TEAD1: variants seen among roughly 807,000 people sequenced by gnomAD.
The protein encoded by TEAD1 is TEA domain transcription factor 1.
A neutral mutation model predicts 54.9 loss-of-function variants in TEAD1; 9 were observed. That is an observed-to-expected ratio of 0.16 (90% CI 0.10 to 0.29). TEAD1 has a LOEUF of 0.29. TEAD1 is among the 10% of genes least tolerant of loss of function. TEAD1 has a pLI of 1.00. For missense variants in TEAD1, 387 were observed against 535.9 expected, an observed-to-expected ratio of 0.72 and a Z score of 2.74; for synonymous variants, 200 against 187.8, an observed-to-expected ratio of 1.07 and a Z score of -0.53.
At chr11:12,740,171 C>T (rs1049402767) in intron 2 of TEAD1, among the ~76,000 whole-genome samples, 3 of 152,174 alleles carry the variant, frequency 2.0e-5, no homozygotes, top group Non-Finnish European at 1.5e-5. Flanking sequence ...CTGGCTCTTC[C>T]ACTTCTCTGA....
At chr11:12,708,898 A>G (rs950337578) in intron 2 of TEAD1, among the ~76,000 whole-genome samples, 1 of 152,244 alleles carries the variant, frequency 6.6e-6, no homozygotes, top group African/African-American at 2.4e-5. Flanking sequence ...AGTGCATATT[A>G]TGTAAAGGTT....
intron 3 of TEAD1, among the ~76,000 whole-genome samples, chr11:12,766,651 A>G (rs1314298403): frequency 6.6e-6 from 1 of 152,164 alleles, no homozygotes; most frequent in Non-Finnish European, 1.5e-5. Context: ...TTGGGTACCC[A>G]GTGTAACTTA....
intron 2 of TEAD1, among the ~76,000 whole-genome samples, chr11:12,694,397 G>T (rs949610476): frequency 4.6e-5 from 7 of 151,606 alleles, no homozygotes; most frequent in African/African-American, 1.7e-4. Context: ...CTTATATACA[G>T]GGTCCTCTTT....
chr11:12,737,005 A>T (rs1051517425), intron 2 of TEAD1, among the ~76,000 whole-genome samples: 1 of 152,166 alleles, frequency 6.6e-6, no homozygotes, highest in African/African-American at 2.4e-5. Flanking sequence ...TTGAAGAAAA[A>T]TTTAATTCTT....
rs1173617315 is a variant in TEAD1 at position 12,690,241 on chromosome 11, CAAAAAAA to C, written c.-55+14696_-55+14702del. ...TGGGCGACAGAGTGAGACTCCGTCT[CAAAAAAA>C]AAAAAAAAAAAAAAATAATAAGCCC... On this transcript the variant is annotated intron_variant, in intron 2 of 12. Coordinates refer to ENST00000527636, the MANE Select transcript of TEAD1 (RefSeq NM_021961.6). 5.4e-3 allele frequency among the ~76,000 whole-genome samples: 444 copies of C among 81,698 alleles called. 1 individual carries two copies. The highest frequency in any genetic ancestry group is 0.017 in the African/African-American group (406 of 23,616). 53.6% of individuals were successfully genotyped at this position (81,698 alleles called of 152,430 possible).
intron 9 of TEAD1, among the ~76,000 whole-genome samples, chr11:12,898,175 C>T (rs1948349874): frequency 6.6e-6 from 1 of 152,156 alleles, no homozygotes; most frequent in Non-Finnish European, 1.5e-5. Context: ...GGCCCACACT[C>T]TGAGCAGCTG....
chr11:12,912,195 C>T (rs538914243), intron 10 of TEAD1, among the ~76,000 whole-genome samples: 7 of 152,158 alleles, frequency 4.6e-5, no homozygotes, highest in Admixed American at 3.3e-4. Flanking sequence ...TTGCCAATGT[C>T]GTCTTTGCTT....
chr11:12,915,536 C>T (rs767036955), intron 10 of TEAD1, among the ~76,000 whole-genome samples: 1 of 152,222 alleles, frequency 6.6e-6, no homozygotes, highest in Non-Finnish European at 1.5e-5. Context: ...AAGGCAAAAA[C>T]ATGAAATTTA....
chr11:12,733,839 A>G lies in TEAD1; in HGVS notation c.-54-30340A>G, dbSNP rs149521924. 4.2e-3 allele frequency among the ~76,000 whole-genome samples: 634 copies of G among 152,332 alleles called. 1 individual carries two copies. The highest frequency in any genetic ancestry group is 7.4e-3 in the Admixed American group (113 of 15,306). On this transcript the variant is annotated intron_variant, in intron 2 of 12. Coordinates refer to ENST00000527636, the MANE Select transcript of TEAD1 (RefSeq NM_021961.6). Reference sequence around the variant, plus strand: ...ATGGAGCGAAAAATTCCTATTGTCTAGTGACATCTAATGATCCTGACTCTG... The same window carrying G: ...ATGGAGCGAAAAATTCCTATTGTCTGGTGACATCTAATGATCCTGACTCTG...
intron 2 of TEAD1, among the ~76,000 whole-genome samples, chr11:12,677,765 G>A (rs1943128190): frequency 6.6e-6 from 1 of 152,172 alleles, no homozygotes; most frequent in South Asian, 2.1e-4. Flanking sequence ...GAAGAAATGA[G>A]CTGTGACATT....
At chr11:12,884,966 C>G (rs1948056692) in intron 9 of TEAD1, among the ~76,000 whole-genome samples, 1 of 152,192 alleles carries the variant, frequency 6.6e-6, no homozygotes, top group Non-Finnish European at 1.5e-5. Flanking sequence ...CCTCTTGTAA[C>G]TGGTGTTTCC....
intron 2 of TEAD1, among the ~76,000 whole-genome samples, chr11:12,714,422 C>A (rs748389212): frequency 2.0e-5 from 3 of 152,084 alleles, no homozygotes; most frequent in Non-Finnish European, 4.4e-5. Flanking sequence ...GACGGGGTCT[C>A]ATTCTGTTGC....
intron 3 of TEAD1, among the ~76,000 whole-genome samples, chr11:12,857,560 A>ATC (rs142569684): frequency 6.9e-5 from 9 of 129,540 alleles, no homozygotes; most frequent in Non-Finnish European, 1.1e-4. Flanking sequence ...TGAATCAAGC[A>ATC]TCTCTCTCTC....
intron 3 of TEAD1, among the ~76,000 whole-genome samples, chr11:12,860,017 A>T (rs971441730): frequency 2.0e-5 from 3 of 152,144 alleles, no homozygotes; most frequent in Admixed American, 6.6e-5. Flanking sequence ...ACAGTTCTGG[A>T]CTCCAAGCTT....
At chr11:12,831,689 G>A (rs1439667668) in intron 3 of TEAD1, among the ~76,000 whole-genome samples, 2 of 151,838 alleles carry the variant, frequency 1.3e-5, no homozygotes, top group Non-Finnish European at 2.9e-5. Flanking sequence ...TGAGGTGGGA[G>A]GATTACTTGA....
chr11:12,773,202 G>C (rs1339684726), intron 3 of TEAD1, among the ~76,000 whole-genome samples: 1 of 152,206 alleles, frequency 6.6e-6, no homozygotes, highest in Non-Finnish European at 1.5e-5. Context: ...GCTGATTCCA[G>C]TGTTCAGGCA....
At chr11:12,866,624 G>A (rs2134074393) in intron 5 of TEAD1, among the ~76,000 whole-genome samples, 1 of 152,274 alleles carries the variant, frequency 6.6e-6, no homozygotes, top group African/African-American at 2.4e-5. Flanking sequence ...TCAGCCCTGG[G>A]CCACTCTCTT....
chr11:12,750,856 C>T (rs776639033), intron 2 of TEAD1, among the ~76,000 whole-genome samples: 2 of 152,232 alleles, frequency 1.3e-5, no homozygotes, highest in African/African-American at 2.4e-5. Context: ...ACAGAATAAA[C>T]TCCTCCATCA....
At chr11:12,784,917 G>T (rs1173312175) in intron 3 of TEAD1, among the ~76,000 whole-genome samples, 1 of 152,192 alleles carries the variant, frequency 6.6e-6, no homozygotes, top group Non-Finnish European at 1.5e-5. Flanking sequence ...AGGGTGAGGG[G>T]ATCCTGGAGA....
Sources: allele counts gnomAD v4.1 joint callset (sites outside exome capture counted in the v4.1 genomes callset), GRCh38; gene constraint gnomAD v4.1.1; transcripts MANE v1.5; gene names NCBI Gene and HGNC (gene_info 2026-07-23, HGNC 2026-07-21).